UMAD1: variants seen among roughly 807,000 people sequenced by gnomAD.
UMAD1 encodes UBAP1-MVB12-associated (UMA)-domain containing protein 1.
In UMAD1, 8 loss-of-function variants were observed where a neutral mutation model predicts 6.1. That is an observed-to-expected ratio of 1.30 (90% CI 0.76 to 2.35). UMAD1 has a LOEUF of 2.35. Among genes scored for constraint, UMAD1 ranks in the 30% most tolerant of loss-of-function variants. The pLI is 0.00. For missense variants in UMAD1, 130 were observed against 78.4 expected (o/e 1.66, Z -2.49); for synonymous variants, 56 against 31.4 (o/e 1.78, Z -2.61).
chr7:7,814,938 G>A (rs774974498), intron 3 of UMAD1, among the ~76,000 whole-genome samples: 2 of 152,050 alleles, frequency 1.3e-5, no homozygotes, highest in Non-Finnish European at 2.9e-5. Context: ...AGCTGCTTTC[G>A]GGCAGGGTGT....
intron 3 of UMAD1, among the ~76,000 whole-genome samples, chr7:7,802,848 G>A (rs940063065): frequency 1.1e-4 from 16 of 152,116 alleles, no homozygotes; most frequent in Non-Finnish European, 2.9e-5. Context: ...AATAAGTAGA[G>A]ACTAATATAC....
chr7:7,675,195 G>A (rs538080058), intron 2 of UMAD1, among the ~76,000 whole-genome samples: 1 of 152,234 alleles, frequency 6.6e-6, no homozygotes, highest in East Asian at 1.9e-4. Flanking sequence ...ATTAGAAATT[G>A]ACATTATTCT....
At chr7:7,834,695 T>A (rs1338063220) in intron 3 of UMAD1, among the ~76,000 whole-genome samples, 2 of 151,996 alleles carry the variant, frequency 1.3e-5, no homozygotes, top group Non-Finnish European at 2.9e-5. Flanking sequence ...CTTATGAATT[T>A]CTCTTACCCT....
At chr7:7,698,000 C>G (rs1187849946) in intron 2 of UMAD1, among the ~76,000 whole-genome samples, 1 of 152,142 alleles carries the variant, frequency 6.6e-6, no homozygotes, top group Non-Finnish European at 1.5e-5. Flanking sequence ...GACCCCACTA[C>G]TCATTTGATT....
intron 3 of UMAD1, among the ~76,000 whole-genome samples, chr7:7,876,128 G>A (rs1446149960): frequency 6.6e-6 from 1 of 152,230 alleles, no homozygotes; most frequent in Non-Finnish European, 1.5e-5. Flanking sequence ...GATGGCATCT[G>A]GGCTAGCGCT....
intron 3 of UMAD1, among the ~76,000 whole-genome samples, chr7:7,808,078 G>A (rs771183185): frequency 1.4e-4 from 22 of 151,996 alleles, no homozygotes; most frequent in Non-Finnish European, 1.5e-5. Flanking sequence ...TATGGAGAGA[G>A]TGAATGTGTA....
chr7:7,714,093 G>C (rs28912684), intron 2 of UMAD1, among the ~76,000 whole-genome samples: 1 of 152,158 alleles, frequency 6.6e-6, no homozygotes, highest in African/African-American at 2.4e-5. Context: ...TTATCTTTTT[G>C]ATGAAGATTT....
intron 1 of UMAD1, among the ~76,000 whole-genome samples, chr7:7,656,049 G>T (rs561682650): frequency 6.6e-6 from 1 of 152,124 alleles, no homozygotes; most frequent in South Asian, 2.1e-4. Context: ...TGGTCAGGCT[G>T]GTCTCAAACT....
chr7:7,675,724 A>G (rs558511353), intron 2 of UMAD1, among the ~76,000 whole-genome samples: 102 of 152,330 alleles, frequency 6.7e-4, no homozygotes, highest in African/African-American at 2.4e-3. Flanking sequence ...ACCCAGCACC[A>G]TATGTCTAGC....
intron 3 of UMAD1, among the ~76,000 whole-genome samples, chr7:7,840,803 G>T (rs1783666109): frequency 6.6e-6 from 1 of 152,178 alleles, no homozygotes; most frequent in African/African-American, 2.4e-5. Flanking sequence ...ATCAAGGAAA[G>T]TTCCTAATAA....
chr7:7,672,909 A>T (rs1268589021), intron 1 of UMAD1, among the ~76,000 whole-genome samples: 2 of 152,204 alleles, frequency 1.3e-5, no homozygotes, highest in Non-Finnish European at 2.9e-5. Flanking sequence ...ATGAGGCTTA[A>T]GGTAGTCACA....
chr7:7,698,870 C>CTT (rs57968079), intron 2 of UMAD1, among the ~76,000 whole-genome samples: 90 of 131,922 alleles, frequency 6.8e-4, no homozygotes, highest in African/African-American at 2.1e-3. Context: ...ACCCTCTTGT[C>CTT]TTTTTTTTTT....
intron 2 of UMAD1, among the ~76,000 whole-genome samples, chr7:7,787,266 A>AT (rs1782479113): frequency 7.4e-6 from 1 of 135,740 alleles, no homozygotes; most frequent in South Asian, 2.6e-4. Context: ...TATGATTTTC[A>AT]TAACTTTAAA....
At position 7,673,310 on chromosome 7, in the gene UMAD1, TAGCAGCAGCAGCAGCAGC is replaced by T; in HGVS notation, c.-18_-1del. The T allele has an allele frequency of 1.1e-3, 1,120 of 1,033,610 alleles. 3 individuals are homozygous for T. Among genetic ancestry groups the T allele is most frequent in the South Asian group, 4.4e-3 (311 of 71,450 alleles). 64.0% of individuals were successfully genotyped at this position (1,033,610 alleles called of 1,614,324 possible). A position where few individuals can be genotyped will look rare whatever the true frequency, so the allele number is the denominator to read the frequency against. On this transcript the variant is annotated splice_region_variant and 5_prime_UTR_variant, in exon 2 of 4. Transcript: ENST00000682710. ...CATTGTGTAATGTTTCTATTTCAGG[TAGCAGCAGCAGCAGCAGC>T]AGCAGCAGCAGCAGCAGCAGCAGCA...
intron 1 of UMAD1, among the ~76,000 whole-genome samples, chr7:7,667,586 T>C (rs1358590489): frequency 1.3e-5 from 2 of 152,150 alleles, no homozygotes; most frequent in Admixed American, 1.3e-4. Context: ...CCTATCCACT[T>C]AATGAATGTT....
intron 2 of UMAD1, among the ~76,000 whole-genome samples, chr7:7,780,596 C>T (rs1470470137): frequency 6.6e-6 from 1 of 152,080 alleles, no homozygotes; most frequent in Non-Finnish European, 1.5e-5. Flanking sequence ...TTGCAGAATC[C>T]TAGAATCTCC....
intron 3 of UMAD1, among the ~76,000 whole-genome samples, chr7:7,842,699 T>C (rs1783706079): frequency 6.6e-6 from 1 of 152,090 alleles, no homozygotes; most frequent in Non-Finnish European, 1.5e-5. Flanking sequence ...AAAGAGTACA[T>C]CCCTTACTCA....
chr7:7,767,524 G>A, intron 2 of UMAD1, among the ~76,000 whole-genome samples: 1 of 152,154 alleles, frequency 6.6e-6, no homozygotes, highest in East Asian at 1.9e-4. Context: ...CTGGAAAGCA[G>A]CATTTTTACA....
intron 3 of UMAD1, among the ~76,000 whole-genome samples, chr7:7,811,801 G>C (rs181939693): frequency 6.6e-6 from 1 of 152,302 alleles, no homozygotes; most frequent in African/African-American, 2.4e-5. Context: ...TAAATTGTCA[G>C]ACTTCAAAAA....
Sources: gnomAD v4.1 joint callset for allele counts (sites outside exome capture counted in the v4.1 genomes callset) on GRCh38, gnomAD v4.1.1 for gene constraint, MANE v1.5 for transcripts, NCBI Gene and HGNC (gene_info 2026-07-23, HGNC 2026-07-21) for gene names.